NUP210: variants seen among roughly 807,000 people sequenced by gnomAD.
NUP210 encodes the protein nucleoporin 210.
A neutral mutation model predicts 196.0 loss-of-function variants in NUP210; 151 were observed. The ratio of observed to expected loss-of-function variants is 0.77; its 90% CI spans 0.67 to 0.88. NUP210 has a LOEUF of 0.88. Ranked by LOEUF, NUP210 falls within the 40% of genes least tolerant of loss-of-function variation. The pLI is 0.00. For missense variants in NUP210, 2,314 were observed against 2,493.7 expected (o/e 0.93, Z 1.53); for synonymous variants, 1,070 against 1,052.7 (o/e 1.02, Z -0.32).
At chr3:13,328,989 G>GC in intron 30 of NUP210, 43 bp from the exon 31 acceptor site, 1 of 1,564,506 alleles carries the variant, frequency 6.4e-7, no homozygotes, top group Non-Finnish European at 8.8e-7. Flanking sequence ...CAGTGCCAGG[G>GC]ACTGGCCTCC....
intron 3 of NUP210, among the ~76,000 whole-genome samples, chr3:13,397,107 G>A (rs990698172): frequency 6.6e-6 from 1 of 152,220 alleles, no homozygotes; most frequent in Non-Finnish European, 1.5e-5. Context: ...AGGCCCCACT[G>A]CAGGGGTTCC....
intron 14 of NUP210, 141 bp from the exon 15 acceptor site, chr3:13,360,632 C>T (rs1160038419): frequency 3.2e-6 from 2 of 626,628 alleles, no homozygotes; most frequent in Non-Finnish European, 5.6e-6. Context: ...AACTCATTCT[C>T]GTCATCTGCA....
Position 13,348,504 on chromosome 3 carries a change from G to A in NUP210, c.2835+3375C>T. On this transcript the variant is annotated intron_variant, in intron 20 of 39. Transcript: ENST00000254508. The surrounding 1 kb of genome is among the most constrained non-coding windows in gnomAD (Gnocchi z 4.0). ...CTCCCCTCTTCTTGGTAATGGGGAA[G>A]TTTTTATTAATTTCCAAAAATAAAC... The A allele has an allele frequency of 1.0e-6, 1 of 985,420 alleles. No individual in the cohort carries two copies. Among genetic ancestry groups the A allele is most frequent in the Non-Finnish European group, 1.2e-6 (1 of 829,922 alleles). The allele number at this position is 985,420 out of a possible 1,614,324, so 61.0% of individuals were successfully genotyped here.
chr3:13,346,235 C>T (rs1697721018), intron 20 of NUP210, among the ~76,000 whole-genome samples: 1 of 152,208 alleles, frequency 6.6e-6, no homozygotes, highest in East Asian at 1.9e-4. Context: ...AAGGGCGTGC[C>T]CACCAGGCCA....
At chr3:13,343,327 A>T (rs1247366916) in intron 20 of NUP210, 24 bp from the exon 21 acceptor site, 29 of 183,730 alleles carry the variant, frequency 1.6e-4, no homozygotes, top group African/African-American at 4.4e-4. Flanking sequence ...GCGGAGGTGG[A>T]GGGGTGGGTG....
At position 13,351,923 on chromosome 3, in the gene NUP210, C is replaced by G. The variant is rs1274109566; in HGVS notation, c.2791G>C (p.Asp931His). 1.2e-6 allele frequency: 2 copies of G among 1,613,900 alleles called. No individual in the cohort carries two copies. The highest frequency in any genetic ancestry group is 4.5e-5 in the East Asian group (2 of 44,880). Residue 931 changes from aspartate to histidine, a missense_variant, in exon 20 of 40, where the codon GAT becomes CAT. By Grantham distance (81) the Asp-to-His change is moderately conservative (BLOSUM62 -1). Coordinates refer to ENST00000254508, the MANE Select transcript of NUP210 (RefSeq NM_024923.4). Reference protein sequence around the residue: ...GYFFLNTSTADVVKVAYQEAR... With the variant: ...GYFFLNTSTAHVVKVAYQEAR... ...TCCTGGTAGGCCACCTTGACAACAT[C>G]TGCGGTGCTGGTGTTGAGGAAGAAG...
At chr3:13,341,528 G>T (rs183308863) in intron 23 of NUP210, among the ~76,000 whole-genome samples, 54 of 152,324 alleles carry the variant, frequency 3.5e-4, no homozygotes, top group Admixed American at 2.6e-3. Flanking sequence ...ACAGAGGAAA[G>T]GTCAAGTCAC....
At chr3:13,336,272 G>A (rs1342190047) in intron 27 of NUP210, among the ~76,000 whole-genome samples, 1 of 152,190 alleles carries the variant, frequency 6.6e-6, no homozygotes, top group African/African-American at 2.4e-5. Context: ...TGGGCCTAGA[G>A]TCACAGGGGC....
intron 1 of NUP210, among the ~76,000 whole-genome samples, chr3:13,417,790 C>T (rs989140425): frequency 7.2e-5 from 11 of 152,112 alleles, no homozygotes; most frequent in African/African-American, 2.7e-4. Context: ...ACGCCAAACA[C>T]GTTATAAGGT....
intron 3 of NUP210, among the ~76,000 whole-genome samples, chr3:13,393,522 C>T (rs964923203): frequency 3.9e-5 from 6 of 152,228 alleles, no homozygotes; most frequent in Admixed American, 3.3e-4. Context: ...TGCAGGGCTC[C>T]GTGCAGATGA....
At chr3:13,399,479 G>A (rs938147768) in intron 2 of NUP210, among the ~76,000 whole-genome samples, 16 of 152,104 alleles carry the variant, frequency 1.1e-4, no homozygotes, top group African/African-American at 3.9e-4. Flanking sequence ...AGTTATTTAG[G>A]TAACAAATAA....
chr3:13,346,687 C>G (rs1697743904), intron 20 of NUP210, among the ~76,000 whole-genome samples: 1 of 152,218 alleles, frequency 6.6e-6, no homozygotes, highest in African/African-American at 2.4e-5. Context: ...GATCACATTT[C>G]AGATTTGTCC....
rs1365053332 is a variant in NUP210, at chr3:13,332,323, G to A, written c.3905C>T (p.Pro1302Leu). The change falls in exon 29 of 40, where the codon CCC becomes CTC. Residue 1302 changes from proline to leucine, a missense_variant. Coordinates refer to ENST00000254508, the MANE Select transcript of NUP210 (RefSeq NM_024923.4). ...TGTCTGCAGCTTTATATATGAGTTG[G>A]GCGACATTAATATTTGTTCTGCTTC... ...EIEAEQILMSPNSYIKLQTNR... is the reference protein window; with the variant it reads ...EIEAEQILMSLNSYIKLQTNR... 6.2e-7 allele frequency: 1 copy of A among 1,613,600 alleles called. No homozygotes were observed. The highest frequency in any genetic ancestry group is 8.5e-7 in the Non-Finnish European group (1 of 1,179,734).
rs771527327 is a variant in NUP210, at chr3:13,353,912, CA to C, written c.2521+2del. 1 of 1,604,672 alleles carries C rather than the reference CA, an allele frequency of 6.2e-7. No homozygotes were observed. The highest frequency in any genetic ancestry group is 8.5e-7 in the Non-Finnish European group (1 of 1,175,136). On this transcript the variant is annotated splice_donor_variant, in intron 17 of 39. Coordinates refer to ENST00000254508, the MANE Select transcript of NUP210 (RefSeq NM_024923.4). LOFTEE classifies it high-confidence loss of function. ...TGGGCCATCAGGCTTGTGCCCAGCT[CA>C]CCGTGCAGCTTCTTTTGGCCACTCT...
chr3:13,358,131 G>A (rs897386951), intron 16 of NUP210, 91 bp downstream of exon 16: 2 of 1,177,342 alleles, frequency 1.7e-6, no homozygotes, highest in African/African-American at 1.5e-5. Context: ...TATGTCCGTT[G>A]CAATGCTCGG....
chr3:13,381,378 A>C (rs1428866116), intron 6 of NUP210, among the ~76,000 whole-genome samples: 5 of 151,788 alleles, frequency 3.3e-5, no homozygotes, highest in Non-Finnish European at 7.4e-5. Flanking sequence ...ATTTTGTGAC[A>C]GACTCCTTAG....
intron 1 of NUP210, among the ~76,000 whole-genome samples, chr3:13,406,968 C>T (rs1160789449): frequency 6.6e-6 from 1 of 151,920 alleles, no homozygotes; most frequent in Non-Finnish European, 1.5e-5. Context: ...TCACTCGGTT[C>T]TCTCATCTGT....
chr3:13,404,208 GC>G (rs1473040653), intron 1 of NUP210, among the ~76,000 whole-genome samples: 1 of 152,186 alleles, frequency 6.6e-6, no homozygotes, highest in Non-Finnish European at 1.5e-5. Flanking sequence ...TGTAAGGCAG[GC>G]CCCCCACCCA....
Position 13,342,104 on chromosome 3 carries a change from A to G in NUP210, c.2984T>C (p.Val995Ala), listed in dbSNP as rs1576363253. ...GTCCAGCACGCGGACGTATGCCTTCACTGTCTTCCCAATCTCCACCTGCAT... is the reference window on the plus strand; with the variant it reads ...GTCCAGCACGCGGACGTATGCCTTCGCTGTCTTCCCAATCTCCACCTGCAT... Reference protein sequence around the residue: ...VVDKVEIGKTVKAYVRVLDLH... With the variant: ...VVDKVEIGKTAKAYVRVLDLH... The change falls in exon 22 of 40, where the codon GTG (valine) becomes GCG (alanine). Residue 995 changes from valine (V) to alanine (A), a missense_variant. Coordinates refer to ENST00000254508, the MANE Select transcript of NUP210 (RefSeq NM_024923.4). 6.2e-7 allele frequency: 1 copy of G among 1,614,042 alleles called. No individual in the cohort carries two copies. The highest frequency in any genetic ancestry group is 8.5e-7 in the Non-Finnish European group (1 of 1,180,022).
Sources: gnomAD v4.1 joint callset for allele counts (sites outside exome capture counted in the v4.1 genomes callset) on GRCh38, gnomAD v4.1.1 for gene constraint, Gnocchi (gnomAD v3.1) non-coding constraint, MANE v1.5 for transcripts, NCBI Gene and HGNC (gene_info 2026-07-23, HGNC 2026-07-21) for gene names.